The following SNRPB variants were observed in gnomAD, a reference collection of about 807,000 sequenced individuals.
SNRPB encodes small nuclear ribonucleoprotein-associated proteins B and B'.
A neutral mutation model predicts 26.6 loss-of-function variants in SNRPB; 5 were observed. The observed-to-expected ratio is 0.19, with a 90% confidence interval of 0.10 to 0.39. SNRPB has a LOEUF of 0.39. Among genes scored for constraint, SNRPB ranks in the 10% least tolerant of loss-of-function variants. The pLI is 1.00. For missense variants in SNRPB, 211 were observed against 311.9 expected, an observed-to-expected ratio of 0.68 and a Z score of 2.44; for synonymous variants, 122 against 105.8, an observed-to-expected ratio of 1.15 and a Z score of -0.94.
chr20:2,467,320 G>T (rs2085080247), intron 2 of SNRPB: 1 of 534,880 alleles, frequency 1.9e-6, no homozygotes. Context: ...ACACACCTGT[G>T]GGGAGAACAT....
Position 2,464,006 on chromosome 20 carries a change from T to A in SNRPB, c.268-107A>T. On this transcript the variant is annotated intron_variant, in intron 3 of 6. Transcript: ENST00000381342. The stretch of plus-strand genomic sequence containing the variant: ...CCCTCGAAATAGCTTATAAATACTA[T>A]CGAAATAGCTTATAAATACTACCTC... 6.5e-6 allele frequency: 6 copies of A among 925,150 alleles called. No individual in the cohort carries two copies. The South Asian group carries it at 8.3e-5, about 13-fold the overall frequency. 57.3% of individuals were successfully genotyped at this position (925,150 alleles called of 1,614,324 possible). A position where few individuals can be genotyped will look rare whatever the true frequency, so the allele number is the denominator to read the frequency against.
rs189028184 is a variant in SNRPB, at chr20:2,463,411, C to T, written c.421-184G>A. On this transcript the variant is annotated intron_variant, in intron 4 of 6. Transcript: ENST00000381342. This position sits in a 1 kb window ranked among gnomAD's most constrained non-coding sequence, Gnocchi z 5.0. ...GGAAAGATCAAGCTTGAATGCCCAA[C>T]TCCCATCTTCTAGACCTGAATGTAA... Among the ~76,000 whole-genome samples, 46 of 152,352 alleles carry T rather than the reference C, an allele frequency of 3.0e-4. No homozygotes were observed. Among genetic ancestry groups the T allele is most frequent in the Non-Finnish European group, 5.0e-4 (34 of 68,040 alleles).
intron 1 of SNRPB, 49 bp downstream of exon 1, chr20:2,470,639 C>T (rs756981743): frequency 6.2e-7 from 1 of 1,612,864 alleles, no homozygotes; most frequent in Non-Finnish European, 8.5e-7. Flanking sequence ...GGTTCCCACT[C>T]CACAACAGAC....
chr20:2,467,654 C>T lies in SNRPB; in HGVS notation c.108G>A (p.Lys36=), dbSNP rs1181614406. 2.5e-6 allele frequency: 4 copies of T among 1,614,052 alleles called. No individual in the cohort carries two copies. Among genetic ancestry groups the T allele is most frequent in the Non-Finnish European group, 3.4e-6 (4 of 1,180,016 alleles). Residue 36 remains lysine (K), a synonymous_variant, in exon 2 of 7, where the codon AAG becomes AAA. Coordinates refer to ENST00000381342, the MANE Select transcript of SNRPB (RefSeq NM_003091.4). The stretch of plus-strand genomic sequence containing the variant: ...AGTCACAGAGGATCAAATTCATGTG[C>T]TTGTCAAAAGCCTTGAAGGTGCCAA... ...IFIGTFKAFD[K]HMNLILCDCD...
intron 2 of SNRPB, 81 bp from the exon 3 acceptor site, chr20:2,465,900 T>A: frequency 1.0e-6 from 1 of 991,368 alleles, no homozygotes; most frequent in Non-Finnish European, 1.6e-6. Context: ...AAGATTTGCT[T>A]ATACTGCATC....
chr20:2,466,697 T>C (rs2085076697), intron 2 of SNRPB, among the ~76,000 whole-genome samples: 1 of 152,232 alleles, frequency 6.6e-6, no homozygotes, highest in African/African-American at 2.4e-5. Flanking sequence ...TTTTAGTTTC[T>C]ATTCATAGAC....
chr20:2,470,748 T>C lies in SNRPB; in HGVS notation c.-58A>G, dbSNP rs1284997887. ...GATTCGCCTCCTCAGAGGCCTAGCC[T>C]CTCTCCCACAGCCGATTTCCCGCCG... On this transcript the variant is annotated 5_prime_UTR_variant, in exon 1 of 7. Transcript: ENST00000381342. 13 of 1,605,066 alleles carry C rather than the reference T, an allele frequency of 8.1e-6. No individual in the cohort carries two copies. Among genetic ancestry groups the C allele is most frequent in the East Asian group, 6.7e-5 (3 of 44,804 alleles).
intron 3 of SNRPB, among the ~76,000 whole-genome samples, chr20:2,465,263 C>T (rs971689782): frequency 7.9e-5 from 12 of 152,318 alleles, no homozygotes; most frequent in Non-Finnish European, 1.6e-4. Flanking sequence ...AGAACTGACC[C>T]AGATGGCTTC....
At position 2,463,563 on chromosome 20, in the gene SNRPB, A is replaced by G. The variant is rs1160007023; in HGVS notation, c.420+184T>C. Among the ~76,000 whole-genome samples the G allele has an allele frequency of 1.3e-5, 2 of 152,380 alleles. No homozygotes were observed. Among genetic ancestry groups the G allele is most frequent in the South Asian group, 4.1e-4 (2 of 4,830 alleles). ...TTCGTACATCTCTTTAATAGCATCA[A>G]CATAATTTACAATGGCAACTTATCC... On this transcript the variant is annotated intron_variant, in intron 4 of 6. Coordinates refer to ENST00000381342, the MANE Select transcript of SNRPB (RefSeq NM_003091.4). This position sits in a 1 kb window ranked among gnomAD's most constrained non-coding sequence, Gnocchi z 5.0.
In SNRPB at chr20:2,470,780, C is replaced by T. The variant is rs1047959192; in HGVS notation, c.-90G>A. On this transcript the variant is annotated 5_prime_UTR_variant, in exon 1 of 7. Coordinates refer to ENST00000381342, the MANE Select transcript of SNRPB (RefSeq NM_003091.4). ...CACAGCCGATTTCCCGCCGCCGCTA[C>T]CGGAAATGCAGCACCACGTAAAATG... 9.3e-6 allele frequency: 14 copies of T among 1,512,696 alleles called. No homozygotes were observed. The highest frequency in any genetic ancestry group is 1.2e-5 in the Non-Finnish European group (13 of 1,094,486). The allele number at this position is 1,512,696 out of a possible 1,614,324, so 93.7% of individuals were successfully genotyped here. A position where few individuals can be genotyped will look rare whatever the true frequency, so the allele number is the denominator to read the frequency against.
In SNRPB at chr20:2,468,755, G is replaced by A. The variant is rs576765648; in HGVS notation, c.4-997C>T. ...AGCCTGGCTAACATGGCGAAGCCCCGTCTCTACTAAAATTACAAAAATTAG... is the reference window on the plus strand; with the variant it reads ...AGCCTGGCTAACATGGCGAAGCCCCATCTCTACTAAAATTACAAAAATTAG... On this transcript the variant is annotated intron_variant, in intron 1 of 6. Transcript: ENST00000381342. Among the ~76,000 whole-genome samples, 22 of 152,270 alleles carry A rather than the reference G, an allele frequency of 1.4e-4. No homozygotes were observed. The East Asian group carries it at 2.5e-3, about 17-fold the overall frequency.
At chr20:2,465,414 T>C (rs2085066139) in intron 3 of SNRPB, among the ~76,000 whole-genome samples, 2 of 150,858 alleles carry the variant, frequency 1.3e-5, no homozygotes, top group Admixed American at 6.6e-5. Flanking sequence ...TGTCTTTTTT[T>C]TTTTCTTCCT....
At chr20:2,468,475 A>G (rs566659766) in intron 1 of SNRPB, among the ~76,000 whole-genome samples, 3 of 152,256 alleles carry the variant, frequency 2.0e-5, no homozygotes, top group Non-Finnish European at 4.4e-5. Context: ...ATTTCTCTCT[A>G]TAAACAAATC....
Position 2,463,287 on chromosome 20 carries a change from C to T in SNRPB, c.421-60G>A, listed in dbSNP as rs2085048797. 2 of 1,349,304 alleles carry T rather than the reference C, an allele frequency of 1.5e-6. No homozygotes were observed. The highest frequency in any genetic ancestry group is 2.1e-6 in the Non-Finnish European group (2 of 939,884). 83.6% of individuals were successfully genotyped at this position (1,349,304 alleles called of 1,614,324 possible). On this transcript the variant is annotated intron_variant, in intron 4 of 6. Transcript: ENST00000381342. The surrounding 1 kb of genome is among the most constrained non-coding windows in gnomAD (Gnocchi z 5.0). ...ACAGTACAATGCAGCTTCCCACTCT[C>T]CTCCCCAACTTGGGGAAGGACAGTG... is the stretch of plus-strand genomic sequence containing the variant.
At chr20:2,464,957 T>C (rs2085062451) in intron 3 of SNRPB, among the ~76,000 whole-genome samples, 1 of 152,106 alleles carries the variant, frequency 6.6e-6, no homozygotes, top group Non-Finnish European at 1.5e-5. Context: ...GCCTGCTCTA[T>C]TTCTATGTGT....
At position 2,467,704 on chromosome 20, in the gene SNRPB, T is replaced by A; in HGVS notation, c.58A>T (p.Ile20Phe). ...ATGAAGATCCGGCCGTCCTGCAGGA[T>A]GCACCTCATCCTGTAATCAATATGC... is the stretch of plus-strand genomic sequence containing the variant. ...LQHIDYRMRC[I>F]LQDGRIFIGT... Residue 20 changes from isoleucine (I) to phenylalanine (F), a missense_variant, in exon 2 of 7, where the codon ATC becomes TTC. Coordinates refer to ENST00000381342, the MANE Select transcript of SNRPB (RefSeq NM_003091.4). 6.2e-7 allele frequency: 1 copy of A among 1,614,204 alleles called. No homozygotes were observed. Among genetic ancestry groups the A allele is most frequent in the Non-Finnish European group, 8.5e-7 (1 of 1,180,026 alleles).
rs1390679850 is a variant in SNRPB, at chr20:2,461,949, G to A, written c.686-10C>T. On this transcript the variant is annotated splice_polypyrimidine_tract_variant and intron_variant, in intron 6 of 6. Transcript: ENST00000381342. ...AAGGGTCAAAGAAGGCCTGAAGTAA[G>A]AGTAAGAAGTTTAGTCAGTGCCTGA... 1 of 1,608,560 alleles carries A rather than the reference G, an allele frequency of 6.2e-7. No individual in the cohort carries two copies.
chr20:2,470,787 T>A lies in SNRPB; in HGVS notation c.-97A>T. On this transcript the variant is annotated 5_prime_UTR_variant, in exon 1 of 7. Coordinates refer to ENST00000381342, the MANE Select transcript of SNRPB (RefSeq NM_003091.4). ...GATTTCCCGCCGCCGCTACCGGAAA[T>A]GCAGCACCACGTAAAATGCGGTCGG... 6.8e-7 allele frequency: 1 copy of A among 1,467,880 alleles called. No individual in the cohort carries two copies. The highest frequency in any genetic ancestry group is 9.5e-7 in the Non-Finnish European group (1 of 1,055,322). 90.9% of individuals were successfully genotyped at this position (1,467,880 alleles called of 1,614,324 possible). A position where few individuals can be genotyped will look rare whatever the true frequency, so the allele number is the denominator to read the frequency against.
chr20:2,470,090 G>A (rs936886156), intron 1 of SNRPB, among the ~76,000 whole-genome samples: 1 of 152,210 alleles, frequency 6.6e-6, no homozygotes, highest in Non-Finnish European at 1.5e-5. Flanking sequence ...CCTCTGTGAA[G>A]GAAGCAAACA....
Sources: allele counts gnomAD v4.1 joint callset (sites outside exome capture counted in the v4.1 genomes callset), GRCh38; gene constraint gnomAD v4.1.1; non-coding constraint Gnocchi (gnomAD v3.1); transcripts MANE v1.5; gene names NCBI Gene and HGNC (gene_info 2026-07-23, HGNC 2026-07-21).